LIN28B: variants seen among roughly 807,000 people sequenced by gnomAD.
LIN28B encodes the protein lin-28 RNA binding posttranscriptional regulator B.
A neutral mutation model predicts 21.9 loss-of-function variants in LIN28B; 5 were observed. That is an observed-to-expected ratio of 0.23 (90% CI 0.12 to 0.48). The LOEUF is 0.48. Among genes scored for constraint, LIN28B ranks in the 20% least tolerant of loss-of-function variants. The pLI is 0.98. For missense variants in LIN28B, 245 were observed against 310.5 expected, an observed-to-expected ratio of 0.79 and a Z score of 1.58; for synonymous variants, 109 against 111.3, an observed-to-expected ratio of 0.98 and a Z score of 0.13.
At chr6:105,070,431 A>G (rs1180092861) in intron 3 of LIN28B, among the ~76,000 whole-genome samples, 1 of 152,174 alleles carries the variant, frequency 6.6e-6, no homozygotes, top group African/African-American at 2.4e-5. Context: ...AAAAGAAACT[A>G]TACAAAAATT....
intron 2 of LIN28B, among the ~76,000 whole-genome samples, chr6:104,979,864 A>T (rs543679530): frequency 1.3e-5 from 2 of 152,204 alleles, no homozygotes; most frequent in Non-Finnish European, 2.9e-5. Context: ...ATTATTTCTT[A>T]CTTTGGTCCA....
At chr6:104,955,981 A>G (rs1405141341), upstream of LIN28B, among the ~76,000 whole-genome samples, 1 of 152,162 alleles carries the variant, frequency 6.6e-6, no homozygotes, top group African/African-American at 2.4e-5. Context: ...ACTGGGGGTC[A>G]GTTGAGGAAG....
At chr6:105,012,654 GAT>G (rs1382746641) in intron 2 of LIN28B, among the ~76,000 whole-genome samples, 2 of 152,112 alleles carry the variant, frequency 1.3e-5, no homozygotes, top group Non-Finnish European at 2.9e-5. Context: ...GTATCCCAGT[GAT>G]TCATTCCTTT....
At position 105,056,268 on chromosome 6, in the gene LIN28B, T is replaced by TTTTA. The variant is rs71006634; in HGVS notation, c.384-22146_384-22145insTTTA. 4.0e-5 allele frequency among the ~76,000 whole-genome samples: 6 copies of TTTTA among 151,824 alleles called. No individual in the cohort carries two copies. The East Asian group carries it at 1.2e-3, about 29-fold the overall frequency. Reference sequence around the variant, plus strand: ...TTCTTTTCATGCGTAGTAATTTTTTTATTGTATGTAGAATATTGGGCTGAT... The same window carrying TTTTA: ...TTCTTTTCATGCGTAGTAATTTTTTTTTTAATTGTATGTAGAATATTGGGCTGAT... On this transcript the variant is annotated intron_variant, in intron 3 of 3. Transcript: ENST00000345080.
rs1307556414 is a variant in LIN28B, at chr6:105,040,848, A to G, written c.383+14366A>G. 1.1e-3 allele frequency among the ~76,000 whole-genome samples: 76 copies of G among 70,080 alleles called. 1 individual carries two copies. Among genetic ancestry groups the G allele is most frequent in the Non-Finnish European group, 9.0e-5 (3 of 33,420 alleles). 46.0% of individuals were successfully genotyped at this position (70,080 alleles called of 152,430 possible). A position where few individuals can be genotyped will look rare whatever the true frequency, so the allele number is the denominator to read the frequency against. Reference sequence around the variant, plus strand: ...TCTAATTTGTGCCAAAAATTGAAAGAAGATTTTCTTATATCTTTAAATTTC... The same window carrying G: ...TCTAATTTGTGCCAAAAATTGAAAGGAGATTTTCTTATATCTTTAAATTTC... On this transcript the variant is annotated intron_variant, in intron 3 of 3. Transcript: ENST00000345080.
intron 2 of LIN28B, among the ~76,000 whole-genome samples, chr6:104,986,085 TAGTG>T (rs1276173341): frequency 6.6e-6 from 1 of 152,116 alleles, no homozygotes; most frequent in Admixed American, 6.5e-5. Context: ...GTTCTTGTGA[TAGTG>T]GGTGAGTTCT....
chr6:105,012,152 C>T (rs539710880), intron 2 of LIN28B, among the ~76,000 whole-genome samples: 20 of 151,350 alleles, frequency 1.3e-4, no homozygotes, highest in Non-Finnish European at 2.4e-4. Context: ...AGCAAGACTC[C>T]GTCTCAAACA....
intron 2 of LIN28B, among the ~76,000 whole-genome samples, chr6:104,942,712 A>G (rs1778111290): frequency 6.6e-6 from 1 of 152,172 alleles, no homozygotes; most frequent in Non-Finnish European, 1.5e-5. Flanking sequence ...CAGTGTGCTT[A>G]ATTTCCTACA....
chr6:105,001,984 G>A (rs1230944453), intron 2 of LIN28B, among the ~76,000 whole-genome samples: 6 of 152,126 alleles, frequency 3.9e-5, no homozygotes, highest in Non-Finnish European at 8.8e-5. Context: ...ACAATTTGCA[G>A]TAATGTAAAA....
Position 105,068,031 on chromosome 6 carries a change from G to T in LIN28B, c.384-10383G>T, listed in dbSNP as rs553690270. On this transcript the variant is annotated intron_variant, in intron 3 of 3. Coordinates refer to ENST00000345080, the MANE Select transcript of LIN28B (RefSeq NM_001004317.4). ...TACCTTCTTGTTTTTATAAGATGAT[G>T]AAAGGTTTGTGAATAGAGCTATTAC... Among the ~76,000 whole-genome samples the T allele has an allele frequency of 9.7e-3, 1,474 of 152,204 alleles. 24 individuals carry two copies. Among genetic ancestry groups the T allele is most frequent in the African/African-American group, 0.033 (1,376 of 41,532 alleles).
chr6:104,976,858 A>G (rs1770106202), intron 2 of LIN28B, among the ~76,000 whole-genome samples: 1 of 152,212 alleles, frequency 6.6e-6, no homozygotes, highest in Non-Finnish European at 1.5e-5. Context: ...ACCAGCTTGT[A>G]GCAGGCAGGC....
intron 2 of LIN28B, among the ~76,000 whole-genome samples, chr6:105,022,240 G>A (rs963678895): frequency 1.3e-5 from 2 of 152,104 alleles, no homozygotes; most frequent in African/African-American, 4.8e-5. Flanking sequence ...ACTTATCTTG[G>A]TAGAAGATAG....
chr6:105,046,451 A>G (rs547256291), intron 3 of LIN28B, among the ~76,000 whole-genome samples: 6 of 152,286 alleles, frequency 3.9e-5, no homozygotes, highest in South Asian at 2.1e-4. Context: ...AGTCTTTGCT[A>G]TTGTGAATAG....
At chr6:104,992,159 C>G (rs1359947016) in intron 2 of LIN28B, among the ~76,000 whole-genome samples, 1 of 151,674 alleles carries the variant, frequency 6.6e-6, no homozygotes, top group African/African-American at 2.4e-5. Flanking sequence ...CCTTTGGGTT[C>G]AAGTGATTCT....
chr6:105,023,694 T>A (rs866572932), intron 2 of LIN28B, among the ~76,000 whole-genome samples: 5 of 110,558 alleles, frequency 4.5e-5, no homozygotes, highest in East Asian at 2.4e-4. Flanking sequence ...TAAATTGCCT[T>A]ATGGACTAAT....
chr6:104,960,062 G>GT (rs1466052477), intron 2 of LIN28B, among the ~76,000 whole-genome samples: 1 of 152,026 alleles, frequency 6.6e-6, no homozygotes, highest in African/African-American at 2.4e-5. Context: ...AGCTGCTGAA[G>GT]TTTTTTAAAT....
chr6:104,940,571 C>T (rs1778069885), intron 2 of LIN28B: 1 of 150,536 alleles, frequency 6.6e-6, no homozygotes, highest in Non-Finnish European at 1.5e-5. Flanking sequence ...TTCAATCTCG[C>T]GCGCTCGGCG....
intron 2 of LIN28B, among the ~76,000 whole-genome samples, chr6:105,001,588 A>G (rs1582888910): frequency 6.6e-6 from 1 of 152,228 alleles, no homozygotes; most frequent in Non-Finnish European, 1.5e-5. Context: ...AAATATTACC[A>G]GGATTCTAAG....
chr6:104,957,581 T>G (rs2114564817), intron 1 of LIN28B, among the ~76,000 whole-genome samples: 1 of 152,126 alleles, frequency 6.6e-6, no homozygotes, highest in East Asian at 1.9e-4. Flanking sequence ...CCTCCCCCAT[T>G]CCACCCCAAC....
Sources: gnomAD v4.1 joint callset for allele counts (sites outside exome capture counted in the v4.1 genomes callset) on GRCh38, gnomAD v4.1.1 for gene constraint, MANE v1.5 for transcripts, NCBI Gene and HGNC (gene_info 2026-07-23, HGNC 2026-07-21) for gene names.